UNC5D: variants seen among roughly 807,000 people sequenced by gnomAD.
UNC5D encodes netrin receptor UNC5D.
In UNC5D, 39 loss-of-function variants were observed where a neutral mutation model predicts 105.4. The ratio of observed to expected loss-of-function variants is 0.37; its 90% CI spans 0.29 to 0.48. The LOEUF (loss-of-function observed/expected upper bound fraction) is 0.48. UNC5D is among the 20% of genes least tolerant of loss of function. The pLI is 0.98. For synonymous variants in UNC5D, 452 were observed against 450.4 expected, an observed-to-expected ratio of 1.00 and a Z score of -0.04; for missense variants, 991 against 1,202.4, an observed-to-expected ratio of 0.82 and a Z score of 2.60.
At chr8:35,565,712 T>G (rs757614725) in intron 2 of UNC5D, among the ~76,000 whole-genome samples, 2 of 152,214 alleles carry the variant, frequency 1.3e-5, no homozygotes, top group Non-Finnish European at 2.9e-5. Flanking sequence ...GGTCCTACAT[T>G]CAAGTCTTTA....
chr8:35,292,908 T>C (rs1807185928), intron 1 of UNC5D, among the ~76,000 whole-genome samples: 1 of 151,872 alleles, frequency 6.6e-6, no homozygotes, highest in African/African-American at 2.4e-5. Flanking sequence ...CAGGGTGGTC[T>C]TGAACTCCTG....
At chr8:35,502,802 T>C (rs1812055706) in intron 1 of UNC5D, among the ~76,000 whole-genome samples, 1 of 151,952 alleles carries the variant, frequency 6.6e-6, no homozygotes, top group African/African-American at 2.4e-5. Flanking sequence ...CCTGACCTCG[T>C]GATCTGCCCA....
At position 35,391,996 on chromosome 8, in the gene UNC5D, T is replaced by C. The variant is rs143732907; in HGVS notation, c.103+156109T>C. The stretch of plus-strand genomic sequence containing the variant: ...TGATGGAGAAATGGTATGTGTCCTA[T>C]TGTTGCTGTAACAAATTACCACAAA... On this transcript the variant is annotated intron_variant, in intron 1 of 16. Coordinates refer to ENST00000404895, the MANE Select transcript of UNC5D (RefSeq NM_080872.4). Among the ~76,000 whole-genome samples, 459 of 152,346 alleles carry C rather than the reference T, an allele frequency of 3.0e-3. 7 individuals carry two copies. In the East Asian group the frequency reaches 0.037, roughly 12 times the overall value.
chr8:35,629,618 G>A lies in UNC5D; in HGVS notation c.570+33961G>A, dbSNP rs568175398. Among the ~76,000 whole-genome samples, 9 of 152,120 alleles carry A rather than the reference G, an allele frequency of 5.9e-5. No homozygotes were observed. The South Asian group carries it at 1.9e-3, about 32-fold the overall frequency. On this transcript the variant is annotated intron_variant, in intron 4 of 16. Coordinates refer to ENST00000404895, the MANE Select transcript of UNC5D (RefSeq NM_080872.4). Reference sequence around the variant, plus strand: ...GTGTTCAATATTTGGGTGGTGGGTAGATTAAAAGCCCAATCCCCACCATTA... The same window carrying A: ...GTGTTCAATATTTGGGTGGTGGGTAAATTAAAAGCCCAATCCCCACCATTA...
At chr8:35,676,852 A>G (rs959281806) in intron 4 of UNC5D, among the ~76,000 whole-genome samples, 1 of 151,586 alleles carries the variant, frequency 6.6e-6, no homozygotes, top group Non-Finnish European at 1.5e-5. Context: ...AGTCTGGTGT[A>G]TTGTGGTTTT....
At chr8:35,616,950 A>G (rs1447027360) in intron 4 of UNC5D, among the ~76,000 whole-genome samples, 3 of 152,360 alleles carry the variant, frequency 2.0e-5, no homozygotes, top group African/African-American at 7.2e-5. Flanking sequence ...AAGTAAAAGC[A>G]GTCTGGGATG....
intron 1 of UNC5D, among the ~76,000 whole-genome samples, chr8:35,293,151 T>C (rs1807202804): frequency 6.6e-6 from 1 of 152,082 alleles, no homozygotes; most frequent in Admixed American, 6.6e-5. Flanking sequence ...ATGAGGAAGA[T>C]GAGGGTTTGC....
chr8:35,457,275 C>A lies in UNC5D; in HGVS notation c.104-92017C>A, dbSNP rs534040029. Among the ~76,000 whole-genome samples the A allele has an allele frequency of 4.6e-5, 7 of 152,220 alleles. No homozygotes were observed. The South Asian group carries it at 1.5e-3, about 32-fold the overall frequency. On this transcript the variant is annotated intron_variant, in intron 1 of 16. Transcript: ENST00000404895. The stretch of plus-strand genomic sequence containing the variant: ...CATAATTGGAAAGATTCTTTGGTGT[C>A]ATGATGTTTCAAAGTTGTTTTCAAG...
chr8:35,378,980 G>C (rs1802866753), intron 1 of UNC5D, among the ~76,000 whole-genome samples: 1 of 152,146 alleles, frequency 6.6e-6, no homozygotes. Context: ...TGATTCAGCA[G>C]GTGTCCTTGA....
In UNC5D at chr8:35,468,831, T is replaced by A. The variant is rs873893; in HGVS notation, c.104-80461T>A. Among the ~76,000 whole-genome samples, 8 of 152,040 alleles carry A rather than the reference T, an allele frequency of 5.3e-5. No individual in the cohort carries two copies. In the South Asian group the frequency reaches 6.2e-4, roughly 12 times the overall value. Reference sequence around the variant, plus strand: ...AGGTGTGATTTCCACGGGACAATGCTGATGACTTTTTAATTAAGATTCTTG... The same window carrying A: ...AGGTGTGATTTCCACGGGACAATGCAGATGACTTTTTAATTAAGATTCTTG... On this transcript the variant is annotated intron_variant, in intron 1 of 16. Transcript: ENST00000404895.
At chr8:35,468,520 C>T (rs1809475564) in intron 1 of UNC5D, among the ~76,000 whole-genome samples, 1 of 152,160 alleles carries the variant, frequency 6.6e-6, no homozygotes, top group Non-Finnish European at 1.5e-5. Flanking sequence ...GCCTAGCTAT[C>T]TCAAATATAG....
chr8:35,740,111 G>T (rs1051765100), intron 11 of UNC5D, among the ~76,000 whole-genome samples: 1 of 152,230 alleles, frequency 6.6e-6, no homozygotes, highest in African/African-American at 2.4e-5. Flanking sequence ...AGTGGATCAG[G>T]AGACAGCCCC....
chr8:35,357,757 C>T (rs1801641231), intron 1 of UNC5D, among the ~76,000 whole-genome samples: 1 of 152,020 alleles, frequency 6.6e-6, no homozygotes, highest in African/African-American at 2.4e-5. Context: ...ATAAGTAAAG[C>T]CAATTGTATA....
intron 1 of UNC5D, among the ~76,000 whole-genome samples, chr8:35,469,331 GT>G (rs1410542345): frequency 1.3e-5 from 2 of 152,164 alleles, no homozygotes; most frequent in Non-Finnish European, 2.9e-5. Flanking sequence ...GCCTTGCCAA[GT>G]TAAAGTAAAT....
At chr8:35,384,365 C>G (rs1803250415) in intron 1 of UNC5D, among the ~76,000 whole-genome samples, 1 of 152,162 alleles carries the variant, frequency 6.6e-6, no homozygotes. Flanking sequence ...ATGGTACGTA[C>G]TATAAATATG....
intron 1 of UNC5D, among the ~76,000 whole-genome samples, chr8:35,436,253 G>C (rs1298328631): frequency 1.3e-5 from 2 of 151,748 alleles, no homozygotes. Context: ...TTATACACTG[G>C]GGTCTATAAG....
chr8:35,371,579 ATT>A (rs1004393560), intron 1 of UNC5D, among the ~76,000 whole-genome samples: 4 of 151,896 alleles, frequency 2.6e-5, no homozygotes, highest in African/African-American at 9.7e-5. Context: ...CTGAGGACCT[ATT>A]TTTTTCCTGA....
intron 1 of UNC5D, among the ~76,000 whole-genome samples, chr8:35,262,181 T>G (rs548169820): frequency 3.3e-4 from 51 of 152,242 alleles, no homozygotes; most frequent in African/African-American, 1.1e-3. Flanking sequence ...TTTTTATTAG[T>G]AGATACTTCA....
chr8:35,724,005 A>C, intron 9 of UNC5D: 2 of 561,584 alleles, frequency 3.6e-6, no homozygotes, highest in Non-Finnish European at 2.5e-6. Context: ...GGCATATGGA[A>C]AGCGCTCACA....
Sources: gnomAD v4.1 joint callset for allele counts (sites outside exome capture counted in the v4.1 genomes callset) on GRCh38, gnomAD v4.1.1 for gene constraint, MANE v1.5 for transcripts, NCBI Gene and HGNC (gene_info 2026-07-23, HGNC 2026-07-21) for gene names.